The following CHADL variants were observed in gnomAD, a reference collection of about 807,000 sequenced individuals.
The protein encoded by CHADL is chondroadherin like, also known as chondroadherin-like protein.
Under a neutral mutation model 52.1 loss-of-function variants are expected in CHADL, and 48 were observed. That is an observed-to-expected ratio of 0.92 (90% CI 0.73 to 1.17). CHADL has a LOEUF of 1.17. Among genes scored for constraint, CHADL ranks in the 50% most tolerant of loss-of-function variants. The probability of loss-of-function intolerance (pLI) is 0.00; values close to 1 mark genes in which losing one functional copy is unlikely to be tolerated. For missense variants in CHADL, 977 were observed against 1,035.1 expected (o/e 0.94, Z 0.77); for synonymous variants, 498 against 511.2 (o/e 0.97, Z 0.35).
rs976304282 is a variant in CHADL at position 41,239,426 on chromosome 22, G to A, written c.186+17C>T. The A allele has an allele frequency of 3.2e-6, 5 of 1,548,844 alleles. No individual in the cohort carries two copies. Among genetic ancestry groups the A allele is most frequent in the South Asian group, 1.2e-5 (1 of 83,750 alleles). On this transcript the variant is annotated intron_variant, in intron 2 of 5. Transcript: ENST00000216241. ...TGCCCCACTGCCACTCTGTGCCTGT[G>A]CTCCTGCCCTGCTGACCTCAGGGAT...
chr22:41,232,298 C>T (rs772117277), intron 5 of CHADL, among the ~76,000 whole-genome samples: 7 of 150,848 alleles, frequency 4.6e-5, no homozygotes, highest in Non-Finnish European at 8.8e-5. Flanking sequence ...CACCACTGCA[C>T]TCCAGCCTGA....
At chr22:41,235,764 C>G (rs1240763957) in intron 4 of CHADL, among the ~76,000 whole-genome samples, 3 of 152,160 alleles carry the variant, frequency 2.0e-5, no homozygotes, top group Non-Finnish European at 2.9e-5. Context: ...ATACTACATC[C>G]CCCCTTTTTA....
intron 5 of CHADL, among the ~76,000 whole-genome samples, chr22:41,234,683 A>G (rs927334698): frequency 3.3e-5 from 5 of 152,042 alleles, no homozygotes; most frequent in African/African-American, 1.2e-4. Flanking sequence ...CCTCCCAAGT[A>G]GCTGGGACTA....
intron 5 of CHADL, chr22:41,230,078 C>A: frequency 2.4e-6 from 2 of 821,650 alleles, no homozygotes; most frequent in Non-Finnish European, 1.9e-6. Context: ...CCAGCTCCTC[C>A]GCCCCCACCC....
Position 41,237,312 on chromosome 22 carries a change from C to T in CHADL, c.1760G>A (p.Gly587Glu), listed in dbSNP as rs1312440817. ...GAGGGCAGGCAGCCCCTCCAAGGCC[C>T]CAGTGGGCACCTCTCGCAGCTGATT... ...DRNQLREVPT[G>E]ALEGLPALLE... The change falls in exon 3 of 6, where the codon GGG (glycine) becomes GAG (glutamate). Residue 587 changes from glycine to glutamate, a missense_variant. Coordinates refer to ENST00000216241, the MANE Select transcript of CHADL (RefSeq NM_138481.2). The T allele has an allele frequency of 6.4e-7, 1 of 1,550,558 alleles. No individual in the cohort carries two copies. Among genetic ancestry groups the T allele is most frequent in the African/African-American group, 1.4e-5 (1 of 73,060 alleles).
At position 41,238,309 on chromosome 22, in the gene CHADL, C is replaced by G. The variant is rs1331786046; in HGVS notation, c.763G>C (p.Gly255Arg). ...CCGTCCAGCAGCAGCTCCCGCAGGC[C>G]GGGCAGCGCCAGCCCGTCCTCCTCG... ...AGEEDGLALP[G>R]LRELLLDGGA... Residue 255 changes from glycine (G) to arginine (R), a missense_variant, in exon 3 of 6, where the codon GGC (glycine) becomes CGC (arginine). Gly to Arg is a moderately radical substitution (Grantham distance 125). Transcript: ENST00000216241. The surrounding 1 kb of genome is among the most constrained non-coding windows in gnomAD (Gnocchi z 4.9). 1.3e-6 allele frequency: 2 copies of G among 1,527,286 alleles called. No homozygotes were observed. Among genetic ancestry groups the G allele is most frequent in the Admixed American group, 2.0e-5 (1 of 49,864 alleles). 94.6% of individuals were successfully genotyped at this position (1,527,286 alleles called of 1,614,324 possible).
At chr22:41,239,807 A>G (rs2032829192) in intron 1 of CHADL, among the ~76,000 whole-genome samples, 187 bp from the exon 2 acceptor site, 1 of 152,130 alleles carries the variant, frequency 6.6e-6, no homozygotes. Flanking sequence ...AGGTCCTATG[A>G]TTAGTCCTGT....
chr22:41,239,399 C>A (rs1231853667), intron 2 of CHADL, 44 bp downstream of exon 2: 1 of 1,532,760 alleles, frequency 6.5e-7, no homozygotes, highest in East Asian at 2.5e-5. Context: ...GGGTCCCCAC[C>A]TTGCCCCACT....
In CHADL at chr22:41,237,216, G is replaced by T; in HGVS notation, c.1856C>A (p.Ser619Ter). The T allele has an allele frequency of 6.5e-7, 1 of 1,548,946 alleles. No individual in the cohort carries two copies. The highest frequency in any genetic ancestry group is 8.7e-7 in the Non-Finnish European group (1 of 1,145,918). The change falls in exon 3 of 6, where the codon TCG (serine) becomes TAG (stop). Residue 619 changes from serine (S) to a stop codon, truncating the protein, a stop_gained. Transcript: ENST00000216241. LOFTEE classifies it high-confidence loss of function. Reference protein sequence around the residue: ...RDGAFQPVGRSLQHLFLNSSG... With the variant: ...RDGAFQPVGR ...GCTGTTCAGGAAGAGGTGCTGCAGC[G>T]ACCTGCCCACAGGCTGGAAGGCTCC...
rs1438057019 is a variant in CHADL at position 41,237,859 on chromosome 22, CG to C, written c.1212del (p.Glu405SerfsTer28). 14 of 1,130,842 alleles carry C rather than the reference CG, an allele frequency of 1.2e-5. No individual in the cohort carries two copies. The highest frequency in any genetic ancestry group is 1.6e-5 in the Non-Finnish European group (14 of 893,990). The allele number at this position is 1,130,842 out of a possible 1,614,324, so 70.1% of individuals were successfully genotyped here. A position where few individuals can be genotyped will look rare whatever the true frequency, so the allele number is the denominator to read the frequency against. On this transcript the variant is annotated frameshift_variant, in exon 3 of 6. Transcript: ENST00000216241. LOFTEE classifies it high-confidence loss of function. ...APCPRACVCV[P>X]ESRHSSCEGC... ...CCCTCGCAGCTGCTGTGCCGGGACT[CG>C]GGGACGCACACGCAGGCGCGAGGGC...
rs766594651 is a variant in CHADL, at chr22:41,239,615, C to T, written c.14G>A (p.Arg5Gln). 191 of 1,528,222 alleles carry T rather than the reference C, an allele frequency of 1.2e-4. No homozygotes were observed. The Admixed American group carries it at 1.4e-3, about 11-fold the overall frequency. 94.7% of individuals were successfully genotyped at this position (1,528,222 alleles called of 1,614,324 possible). The change falls in exon 2 of 6, where the codon CGG becomes CAG. Residue 5 changes from arginine (R) to glutamine (Q), a missense_variant. By Grantham distance (43) the Arg-to-Gln change is conservative. Transcript: ENST00000216241. Reference sequence around the variant, plus strand: ...CACCAAGGGGACATGGGTGGAGCTCCGGGGCCTGGGACGGGGAGGGAGAGT... The same window carrying T: ...CACCAAGGGGACATGGGTGGAGCTCTGGGGCCTGGGACGGGGAGGGAGAGT... The part of the protein sequence containing the change: MEGP[R>Q]SSTHVPLVLP...
Position 41,236,537 on chromosome 22 carries a change from G to A in CHADL, c.2010C>T (p.Ile670=), listed in dbSNP as rs1055665907. The change falls in exon 4 of 6, where the codon ATC becomes ATT. Residue 670 remains isoleucine, a synonymous_variant. Coordinates refer to ENST00000216241, the MANE Select transcript of CHADL (RefSeq NM_138481.2). ...AGTGGAAGGGATTGCTGCTGAGGTCGATGAGCTCCAGCTGGCTGAGACTGG... is the reference window on the plus strand; with the variant it reads ...AGTGGAAGGGATTGCTGCTGAGGTCAATGAGCTCCAGCTGGCTGAGACTGG... ...ALPSLSQLEL[I]DLSSNPFHCD... 13 of 1,551,320 alleles carry A rather than the reference G, an allele frequency of 8.4e-6. No individual in the cohort carries two copies. The highest frequency in any genetic ancestry group is 2.4e-5 in the East Asian group (1 of 40,936).
Position 41,234,854 on chromosome 22 carries a change from T to C in CHADL, c.2262+291A>G, listed in dbSNP as rs549975274. On this transcript the variant is annotated intron_variant, in intron 5 of 5. Coordinates refer to ENST00000216241, the MANE Select transcript of CHADL (RefSeq NM_138481.2). ...AGGCGTGAGCCAACGCACCCAGCCATAGTTTTTGTATTTTTTAGTAGAGAT... is the reference window on the plus strand; with the variant it reads ...AGGCGTGAGCCAACGCACCCAGCCACAGTTTTTGTATTTTTTAGTAGAGAT... Among the ~76,000 whole-genome samples the C allele has an allele frequency of 6.0e-5, 9 of 149,680 alleles. No individual in the cohort carries two copies. In the East Asian group the frequency reaches 1.4e-3, roughly 23 times the overall value.
chr22:41,240,819 G>A (rs1177844806), intron 1 of CHADL, 55 bp downstream of exon 1: 2 of 1,548,044 alleles, frequency 1.3e-6, no homozygotes, highest in African/African-American at 1.4e-5. Flanking sequence ...AGACTTACCT[G>A]AGGCCACTGA....
At position 41,240,842 on chromosome 22, in the gene CHADL, C is replaced by T. The variant is rs1471169079; in HGVS notation, c.8+32G>A. On this transcript the variant is annotated intron_variant, in intron 1 of 5. Transcript: ENST00000216241. ...CTGAGGCCACTGAGCTGCTCTGAAT[C>T]CCCCCTTGCACCATCGGGCCCAAAG... 6.5e-6 allele frequency: 10 copies of T among 1,550,076 alleles called. No homozygotes were observed. In the Admixed American group the frequency reaches 2.0e-4, roughly 30 times the overall value.
rs764703229 is a variant in CHADL at position 41,236,439 on chromosome 22, G to C, written c.2063+45C>G. 41 of 1,517,328 alleles carry C rather than the reference G, an allele frequency of 2.7e-5. 1 individual carries two copies. In the South Asian group the frequency reaches 5.0e-4, roughly 18 times the overall value. 94.0% of individuals were successfully genotyped at this position (1,517,328 alleles called of 1,614,324 possible). On this transcript the variant is annotated intron_variant, in intron 4 of 5. Transcript: ENST00000216241. ...GGAGATGACAGGGGCTTGACTGAGA[G>C]TGGCTGGGTGGTCTTTGGCTGGAGG... is the stretch of plus-strand genomic sequence containing the variant.
intron 5 of CHADL, among the ~76,000 whole-genome samples, chr22:41,233,681 C>T (rs1224455105): frequency 6.6e-6 from 1 of 152,172 alleles, no homozygotes; most frequent in African/African-American, 2.4e-5. Context: ...CCTGCCAACA[C>T]CTCAACGGCT....
rs942373292 is a variant in CHADL at position 41,237,826 on chromosome 22, G to A, written c.1246C>T (p.Leu416=). The A allele has an allele frequency of 2.8e-5, 41 of 1,478,544 alleles. No homozygotes were observed. Among genetic ancestry groups the A allele is most frequent in the Non-Finnish European group, 3.1e-5 (35 of 1,116,974 alleles). The allele number at this position is 1,478,544 out of a possible 1,614,324, so 91.6% of individuals were successfully genotyped here. Residue 416 remains leucine, a synonymous_variant, in exon 3 of 6, where the codon CTG becomes TTG. Coordinates refer to ENST00000216241, the MANE Select transcript of CHADL (RefSeq NM_138481.2). Reference sequence around the variant, plus strand: ...GGGAAGCCGCGGGGCACCGCCTGCAGGCCGCAGCCCTCGCAGCTGCTGTGC... The same window carrying A: ...GGGAAGCCGCGGGGCACCGCCTGCAAGCCGCAGCCCTCGCAGCTGCTGTGC... ...SRHSSCEGCG[L]QAVPRGFPSD...
Position 41,238,027 on chromosome 22 carries a change from C to T in CHADL, c.1045G>A (p.Ala349Thr), listed in dbSNP as rs533428820. The change falls in exon 3 of 6, where the codon GCC (alanine) becomes ACC (threonine). Residue 349 changes from alanine (A) to threonine (T), a missense_variant. By Grantham distance (58) the Ala-to-Thr change is moderately conservative. Transcript: ENST00000216241. The surrounding 1 kb of genome is among the most constrained non-coding windows in gnomAD (Gnocchi z 4.9). ...CAGCGCAGGTCCCAGGGCCGCAGGG[C>T]GTCCAGAGCCTCGCCCCGCAGGCGC... ...PRRLRGEALD[A>T]LRPWDLRCPG... 960 of 1,278,784 alleles carry T rather than the reference C, an allele frequency of 7.5e-4. 8 individuals carry two copies. In the African/African-American group the frequency reaches 0.014, roughly 18 times the overall value. 79.2% of individuals were successfully genotyped at this position (1,278,784 alleles called of 1,614,324 possible).
Sources: gnomAD v4.1 joint callset for allele counts (sites outside exome capture counted in the v4.1 genomes callset) on GRCh38, gnomAD v4.1.1 for gene constraint, Gnocchi (gnomAD v3.1) non-coding constraint, MANE v1.5 for transcripts, NCBI Gene and HGNC (gene_info 2026-07-23, HGNC 2026-07-21) for gene names.